The following ROBO2 variants were observed in gnomAD, a reference collection of about 807,000 sequenced individuals.
ROBO2 encodes the protein roundabout homolog 2.
Under a neutral mutation model 160.8 loss-of-function variants are expected in ROBO2, and 53 were observed. The observed-to-expected ratio is 0.33, with a 90% CI of 0.26 to 0.41. The LOEUF is 0.41. Ranked by LOEUF, ROBO2 falls within the 10% of genes least tolerant of loss-of-function variation. The pLI is 1.00. For synonymous variants in ROBO2, 664 were observed against 611.7 expected, an observed-to-expected ratio of 1.09 and a Z score of -1.26; for missense variants, 1,577 against 1,722.4, an observed-to-expected ratio of 0.92 and a Z score of 1.49.
In ROBO2 at chr3:76,157,706, G is replaced by A. The variant is rs546128973; in HGVS notation, c.109+220104G>A. ...AGAACTAAATTTCCAGGAGTCCACA[G>A]TGTTATAAAAAAAAGCAGTGACATT... On this transcript the variant is annotated intron_variant, in intron 2 of 26. Transcript: ENST00000487694. 1.6e-4 allele frequency among the ~76,000 whole-genome samples: 24 copies of A among 152,192 alleles called. No individual in the cohort carries two copies. In the East Asian group the frequency reaches 4.6e-3, roughly 29 times the overall value.
At chr3:77,525,785 CTT>C (rs764350929) in intron 6 of ROBO2, among the ~76,000 whole-genome samples, 1 of 141,668 alleles carries the variant, frequency 7.1e-6, no homozygotes. Context: ...ACCACAGTTT[CTT>C]TTTTTTTTTT....
At chr3:77,289,068 G>A (rs944376479) in intron 2 of ROBO2, among the ~76,000 whole-genome samples, 28 of 152,110 alleles carry the variant, frequency 1.8e-4, no homozygotes, top group African/African-American at 6.3e-4. Context: ...GGAATACTAT[G>A]ATTAACAAAA....
At chr3:77,251,855 G>A (rs9868029) in intron 2 of ROBO2, among the ~76,000 whole-genome samples, 2 of 152,192 alleles carry the variant, frequency 1.3e-5, no homozygotes, top group Non-Finnish European at 2.9e-5. Flanking sequence ...CTCCCCAGCT[G>A]AGTGGAACTG....
chr3:76,430,961 A>G (rs939556641), intron 2 of ROBO2, among the ~76,000 whole-genome samples: 1 of 152,066 alleles, frequency 6.6e-6, no homozygotes, highest in African/African-American at 2.4e-5. Flanking sequence ...ACTGTTTTTG[A>G]ATTAAGTTTT....
intron 17 of ROBO2, 37 bp downstream of exon 18, chr3:77,588,970 T>A (rs759437763): frequency 6.2e-7 from 1 of 1,606,074 alleles, no homozygotes; most frequent in Non-Finnish European, 8.5e-7. Context: ...ATCTCTTGTC[T>A]GTAGGAATGT....
intron 2 of ROBO2, among the ~76,000 whole-genome samples, chr3:76,065,752 TACAC>T (rs4054051): frequency 0.023 from 3,309 of 143,456 alleles, 54 homozygotes; most frequent in South Asian, 0.074. Flanking sequence ...TATATATATA[TACAC>T]ACACACACAC....
chr3:76,536,973 A>G (rs1465492301), intron 2 of ROBO2, among the ~76,000 whole-genome samples: 14 of 152,118 alleles, frequency 9.2e-5, no homozygotes, highest in Non-Finnish European at 1.5e-5. Flanking sequence ...TTGTGGAACG[A>G]AACTGTAAGC....
At chr3:76,586,589 T>C (rs2086054043) in intron 2 of ROBO2, among the ~76,000 whole-genome samples, 1 of 152,224 alleles carries the variant, frequency 6.6e-6, no homozygotes, top group South Asian at 2.1e-4. Context: ...AGTTTTCAAA[T>C]TATGATATGA....
At chr3:76,324,206 C>T (rs138294895) in intron 2 of ROBO2, among the ~76,000 whole-genome samples, 38 of 152,146 alleles carry the variant, frequency 2.5e-4, no homozygotes, top group Middle Eastern at 3.4e-3. Context: ...AGTACTTTGA[C>T]GTGCCAAAAG....
chr3:76,939,089 A>G (rs988873116), intron 2 of ROBO2, among the ~76,000 whole-genome samples: 11 of 152,110 alleles, frequency 7.2e-5, no homozygotes, highest in Admixed American at 7.2e-4. Context: ...CAGAAAATGG[A>G]AAGATAATAT....
At chr3:76,930,466 AT>A (rs537216520) in intron 2 of ROBO2, among the ~76,000 whole-genome samples, 6 of 152,004 alleles carry the variant, frequency 3.9e-5, no homozygotes, top group East Asian at 1.9e-4. Context: ...TTCCCTACTT[AT>A]TTTTTTTATC....
chr3:77,422,258 C>T (rs916374880), intron 2 of ROBO2, among the ~76,000 whole-genome samples: 2 of 152,162 alleles, frequency 1.3e-5, no homozygotes, highest in African/African-American at 2.4e-5. Flanking sequence ...TTCCTTTTGA[C>T]ATTTTATGCC....
intron 2 of ROBO2, among the ~76,000 whole-genome samples, chr3:77,137,827 T>C (rs938052541): frequency 6.6e-6 from 1 of 152,248 alleles, no homozygotes; most frequent in Non-Finnish European, 1.5e-5. Flanking sequence ...TGAAACTTTA[T>C]GCATTGAAAT....
chr3:77,045,417 T>C (rs1189849502), intron 1 of ROBO2, among the ~76,000 whole-genome samples: 2 of 152,228 alleles, frequency 1.3e-5, no homozygotes, highest in African/African-American at 4.8e-5. Context: ...AATCATTGCA[T>C]GGAGGGATAT....
At chr3:76,397,351 C>G (rs1051850601) in intron 2 of ROBO2, among the ~76,000 whole-genome samples, 1 of 152,016 alleles carries the variant, frequency 6.6e-6, no homozygotes, top group African/African-American at 2.4e-5. Flanking sequence ...TTAAACGTTA[C>G]ACCTAAAACC....
At chr3:77,481,926 C>A (rs1397833844) in intron 4 of ROBO2, among the ~76,000 whole-genome samples, 2 of 151,798 alleles carry the variant, frequency 1.3e-5, no homozygotes, top group Non-Finnish European at 2.9e-5. Context: ...TGCAGGGCAG[C>A]TGTGGAAGGT....
intron 2 of ROBO2, among the ~76,000 whole-genome samples, chr3:77,020,139 T>C (rs1045126785): frequency 1.3e-5 from 2 of 152,232 alleles, no homozygotes; most frequent in East Asian, 3.8e-4. Flanking sequence ...AATTATTTAA[T>C]AAATGAAAAC....
intron 2 of ROBO2, among the ~76,000 whole-genome samples, chr3:76,036,428 G>C (rs193296344): frequency 6.6e-6 from 1 of 151,768 alleles, no homozygotes; most frequent in African/African-American, 2.4e-5. Flanking sequence ...GGGATTACAG[G>C]CGTGAGCCAA....
At chr3:76,346,417 A>G (rs1271445450) in intron 2 of ROBO2, among the ~76,000 whole-genome samples, 1 of 152,014 alleles carries the variant, frequency 6.6e-6, no homozygotes, top group Non-Finnish European at 1.5e-5. Flanking sequence ...CCCTGTATTC[A>G]CTTTTGAAAA....
Sources: gnomAD v4.1 joint callset for allele counts (sites outside exome capture counted in the v4.1 genomes callset) on GRCh38, gnomAD v4.1.1 for gene constraint, MANE v1.5 for transcripts, NCBI Gene and HGNC (gene_info 2026-07-23, HGNC 2026-07-21) for gene names.